ATF7IP: variants seen among roughly 807,000 people sequenced by gnomAD.
The protein encoded by ATF7IP is activating transcription factor 7 interacting protein.
Under a neutral mutation model 106.4 loss-of-function variants are expected in ATF7IP, and 23 were observed. The observed-to-expected ratio is 0.22, with a 90% CI of 0.16 to 0.31. The LOEUF is 0.31. Among genes scored for constraint, ATF7IP ranks in the 10% least tolerant of loss-of-function variants. The pLI is 1.00. For synonymous variants in ATF7IP, 542 were observed against 539.0 expected (o/e 1.01, Z -0.08); for missense variants, 1,334 against 1,524.3 (o/e 0.88, Z 2.08).
At chr12:14,454,540 C>CTG (rs1943350433) in intron 6 of ATF7IP, among the ~76,000 whole-genome samples, 1 of 152,160 alleles carries the variant, frequency 6.6e-6, no homozygotes, top group African/African-American at 2.4e-5. Flanking sequence ...GATGTAGAAG[C>CTG]TGTGTTGGGA....
chr12:14,381,850 G>A (rs1281184122), intron 1 of ATF7IP, among the ~76,000 whole-genome samples: 1 of 139,840 alleles, frequency 7.2e-6, no homozygotes, highest in Non-Finnish European at 1.5e-5. Context: ...TGTAATGGTT[G>A]ACTAGAATTA....
At chr12:14,435,276 T>C (rs146544543) in intron 3 of ATF7IP, among the ~76,000 whole-genome samples, 1 of 152,288 alleles carries the variant, frequency 6.6e-6, no homozygotes, top group East Asian at 1.9e-4. Flanking sequence ...TCAGTAACTT[T>C]CCTGTCATGC....
Position 14,497,575 on chromosome 12 carries a change from C to A in ATF7IP, c.3394-79C>A, listed in dbSNP as rs1221431095. The A allele has an allele frequency of 1.1e-5, 15 of 1,348,610 alleles. No individual in the cohort carries two copies. The East Asian group carries it at 3.1e-4, about 28-fold the overall frequency. 83.5% of individuals were successfully genotyped at this position (1,348,610 alleles called of 1,614,324 possible). A position where few individuals can be genotyped will look rare whatever the true frequency, so the allele number is the denominator to read the frequency against. On this transcript the variant is annotated intron_variant, in intron 14 of 14. Coordinates refer to ENST00000261168, the MANE Select transcript of ATF7IP (RefSeq NM_018179.5). ...ATAAAATGATACTTCTACGTATGTT[C>A]TCTAAGGTGTTTTAATTCTAACATT...
chr12:14,424,614 A>T lies in ATF7IP; in HGVS notation c.699A>T (p.Glu233Asp). Residue 233 changes from glutamate to aspartate, a missense_variant, in exon 2 of 15, where the codon GAA becomes GAT. Physicochemically the swap from Glu to Asp is conservative, Grantham distance 45. Around this residue, in one of 10 missense-constraint regions of ATF7IP, gnomAD observed 438 missense variants for 405.3 expected, o/e 1.08. Coordinates refer to ENST00000261168, the MANE Select transcript of ATF7IP (RefSeq NM_018179.5). ...DCAADDIASS[E>D]ITSVDLASGA... ...CCGCTGATGATATAGCCTCTAGTGA[A>T]ATAACTTCTGTTGATCTGGCTTCTG... is the stretch of plus-strand genomic sequence containing the variant. The T allele has an allele frequency of 6.2e-7, 1 of 1,613,960 alleles. No homozygotes were observed. Among genetic ancestry groups the T allele is most frequent in the South Asian group, 1.1e-5 (1 of 91,064 alleles).
rs1424978117 is a variant in ATF7IP, at chr12:14,501,662, A to G, written c.*3589A>G. The G allele has an allele frequency of 1.3e-5, 2 of 152,152 alleles. No homozygotes were observed. The highest frequency in any genetic ancestry group is 2.9e-5 in the Non-Finnish European group (2 of 68,016). 9.4% of individuals were successfully genotyped at this position (152,152 alleles called of 1,614,324 possible). A position where few individuals can be genotyped will look rare whatever the true frequency, so the allele number is the denominator to read the frequency against. On this transcript the variant is annotated 3_prime_UTR_variant, in exon 15 of 15. Transcript: ENST00000261168. ...TTGAAAAGTCGGTATTTGTTGAGAT[A>G]CCATTTGCCTCACAGAGAGGTGTTC... is the stretch of plus-strand genomic sequence containing the variant.
intron 4 of ATF7IP, among the ~76,000 whole-genome samples, chr12:14,437,446 T>C (rs1239175327): frequency 6.6e-6 from 1 of 152,190 alleles, no homozygotes; most frequent in East Asian, 1.9e-4. Context: ...ACAGAGCTGT[T>C]AGAATTATGA....
At chr12:14,425,528 A>C (rs1440756219) in intron 2 of ATF7IP, 55 bp downstream of exon 2, 2 of 1,447,562 alleles carry the variant, frequency 1.4e-6, no homozygotes, top group East Asian at 2.4e-5. Context: ...TGAACTGTTT[A>C]ATAAAACATT....
intron 1 of ATF7IP, among the ~76,000 whole-genome samples, chr12:14,414,072 G>T (rs1167101332): frequency 6.6e-6 from 1 of 152,156 alleles, no homozygotes; most frequent in East Asian, 1.9e-4. Flanking sequence ...TATGGTGGTT[G>T]TATACTAATG....
At chr12:14,437,819 C>T (rs1187534464) in intron 4 of ATF7IP, among the ~76,000 whole-genome samples, 3 of 152,092 alleles carry the variant, frequency 2.0e-5, no homozygotes, top group South Asian at 2.1e-4. Flanking sequence ...TTTGGGAGGC[C>T]GAGGCGGGCG....
intron 7 of ATF7IP, 123 bp downstream of exon 7, chr12:14,456,757 G>T: frequency 1.5e-6 from 1 of 684,486 alleles, no homozygotes; most frequent in East Asian, 2.8e-5. Context: ...GGTGTACTTG[G>T]TTAGTATATT....
At position 14,457,236 on chromosome 12, in the gene ATF7IP, A is replaced by C. The variant is rs749869719; in HGVS notation, c.2099A>C (p.Glu700Ala). 1 of 1,613,902 alleles carries C rather than the reference A, an allele frequency of 6.2e-7. No homozygotes were observed. Among genetic ancestry groups the C allele is most frequent in the South Asian group, 1.1e-5 (1 of 91,034 alleles). Residue 700 changes from glutamate to alanine, a missense_variant, in exon 8 of 15, where the codon GAG becomes GCG. By Grantham distance (107) the Glu-to-Ala change is moderately radical (BLOSUM62 -1). Coordinates refer to ENST00000261168, the MANE Select transcript of ATF7IP (RefSeq NM_018179.5). The part of the protein sequence containing the change: ...RNAGTVRQML[E>A]SKRNVSESAP... ...GCAGGCACAGTGAGACAGATGCTGGAGTCCAAAAGAAATGTAAGCGAGAGT... is the reference window on the plus strand; with the variant it reads ...GCAGGCACAGTGAGACAGATGCTGGCGTCCAAAAGAAATGTAAGCGAGAGT...
At chr12:14,371,918 A>C (rs1938547154) in intron 1 of ATF7IP, among the ~76,000 whole-genome samples, 1 of 152,090 alleles carries the variant, frequency 6.6e-6, no homozygotes, top group African/African-American at 2.4e-5. Context: ...TTGAGAATAA[A>C]GTTCCTGCCT....
rs558568452 is a variant in ATF7IP, at chr12:14,464,490, T to C, written c.2798-2036T>C. On this transcript the variant is annotated intron_variant, in intron 9 of 14. Coordinates refer to ENST00000261168, the MANE Select transcript of ATF7IP (RefSeq NM_018179.5). ...AGTTTAACTCCTGTAAAGTGCTTTT[T>C]AATTTTATTTACTTTTATTTGTATT... Among the ~76,000 whole-genome samples the C allele has an allele frequency of 1.3e-4, 20 of 152,364 alleles. No individual in the cohort carries two copies. In the South Asian group the frequency reaches 2.5e-3, roughly 19 times the overall value.
At chr12:14,399,578 A>AT (rs1379257933) in intron 1 of ATF7IP, among the ~76,000 whole-genome samples, 1 of 150,256 alleles carries the variant, frequency 6.7e-6, no homozygotes, top group Non-Finnish European at 1.5e-5. Context: ...AGCTTTGCTG[A>AT]TTTTTTTTAA....
In ATF7IP at chr12:14,436,090, T is replaced by A; in HGVS notation, c.1646-16T>A. 1 of 1,611,036 alleles carries A rather than the reference T, an allele frequency of 6.2e-7. No individual in the cohort carries two copies. Among genetic ancestry groups the A allele is most frequent in the East Asian group, 2.2e-5 (1 of 44,702 alleles). ...GAAAAACACCTGAGTGTGATCATTGTGGTTTTCCTTCTCAGATGAATTTTC... is the reference window on the plus strand; with the variant it reads ...GAAAAACACCTGAGTGTGATCATTGAGGTTTTCCTTCTCAGATGAATTTTC... On this transcript the variant is annotated splice_polypyrimidine_tract_variant and intron_variant, in intron 3 of 14. Coordinates refer to ENST00000261168, the MANE Select transcript of ATF7IP (RefSeq NM_018179.5).
Position 14,446,987 on chromosome 12 carries a change from GGCCAAGATA to G in ATF7IP, c.1934_1942del (p.Lys645_Ala647del). 1 of 1,412,158 alleles carries G rather than the reference GGCCAAGATA, an allele frequency of 7.1e-7. No homozygotes were observed. Among genetic ancestry groups the G allele is most frequent in the East Asian group, 2.7e-5 (1 of 37,514 alleles). 87.5% of individuals were successfully genotyped at this position (1,412,158 alleles called of 1,614,324 possible). ...ATTTTTGTCTTTTTTTTTTTTTTCA[GGCCAAGATA>G]GCCAGGTTAACCAAACGCTTTGAAG... On this transcript the variant is annotated inframe_deletion and splice_region_variant, in exon 6 of 15. Transcript: ENST00000261168.
At chr12:14,376,928 A>G (rs1938764396) in intron 1 of ATF7IP, among the ~76,000 whole-genome samples, 1 of 152,174 alleles carries the variant, frequency 6.6e-6, no homozygotes, top group Admixed American at 6.5e-5. Flanking sequence ...TCCATCTCAA[A>G]AAAAAGAAAA....
rs905615570 is a variant in ATF7IP at position 14,489,851 on chromosome 12, G to A, written c.3281-6380G>A. Reference sequence around the variant, plus strand: ...TGTGGAATACCATGGCATTCTGTGAGTCCATGGATAGTAGTCTTGGCAGAA... The same window carrying A: ...TGTGGAATACCATGGCATTCTGTGAATCCATGGATAGTAGTCTTGGCAGAA... On this transcript the variant is annotated intron_variant, in intron 13 of 14. Coordinates refer to ENST00000261168, the MANE Select transcript of ATF7IP (RefSeq NM_018179.5). 2.0e-5 allele frequency among the ~76,000 whole-genome samples: 3 copies of A among 152,312 alleles called. No individual in the cohort carries two copies. In the East Asian group the frequency reaches 5.8e-4, roughly 29 times the overall value.
chr12:14,460,940 A>G lies in ATF7IP; in HGVS notation c.2604A>G (p.Thr868=). The change falls in exon 9 of 15, where the codon ACA becomes ACG. Residue 868 remains threonine (T), a synonymous_variant. Coordinates refer to ENST00000261168, the MANE Select transcript of ATF7IP (RefSeq NM_018179.5). The part of the protein sequence containing the change: ...NPTASAAPLG[T]TLAVQAVPTA... ...CTGCCAGTGCTGCACCATTGGGAAC[A>G]ACACTTGCTGTGCAGGCTGTTCCAA... 1 of 1,614,210 alleles carries G rather than the reference A, an allele frequency of 6.2e-7. No homozygotes were observed.
Sources: gnomAD v4.1 joint callset for allele counts (sites outside exome capture counted in the v4.1 genomes callset) on GRCh38, gnomAD v4.1.1 for gene constraint, gnomAD v4.1.1 regional missense constraint, MANE v1.5 for transcripts, NCBI Gene and HGNC (gene_info 2026-07-23, HGNC 2026-07-21) for gene names.